DISC1: variants seen among roughly 807,000 people sequenced by gnomAD.
The protein encoded by DISC1 is disrupted in schizophrenia 1 protein.
Under a neutral mutation model 84.5 loss-of-function variants are expected in DISC1, and 57 were observed. The ratio of observed to expected loss-of-function variants is 0.67; its 90% CI spans 0.55 to 0.84. The LOEUF (loss-of-function observed/expected upper bound fraction) is 0.84, where lower values mean the gene tolerates loss of function less well. Among genes scored for constraint, DISC1 ranks in the 40% least tolerant of loss-of-function variants. DISC1 has a pLI of 0.00. For missense variants in DISC1, 1,000 were observed against 1,057.8 expected (o/e 0.95, Z 0.76); for synonymous variants, 411 against 415.2 (o/e 0.99, Z 0.12).
intron 10 of DISC1, among the ~76,000 whole-genome samples, chr1:231,984,856 G>A (rs976550486): frequency 2.6e-5 from 4 of 152,224 alleles, no homozygotes; most frequent in Non-Finnish European, 5.9e-5. Flanking sequence ...CAAGTAAGGG[G>A]TTGGCAAGGA....
Position 232,026,303 on chromosome 1 carries a change from G to GGGA in DISC1, c.2308-130_2308-128dup, listed in dbSNP as rs1669460121. ...ACAACTTCTCAAGTTTGATACCCAG[G>GGGA]GGAGACACAGGCCCTAGCACAATTC... On this transcript the variant is annotated intron_variant, in intron 11 of 12. Coordinates refer to ENST00000439617, the MANE Select transcript of DISC1 (RefSeq NM_018662.3). The GGGA allele has an allele frequency of 9.5e-6, 6 of 629,632 alleles. No individual in the cohort carries two copies. The South Asian group carries it at 1.2e-4, about 13-fold the overall frequency. 39.0% of individuals were successfully genotyped at this position (629,632 alleles called of 1,614,324 possible). A position where few individuals can be genotyped will look rare whatever the true frequency, so the allele number is the denominator to read the frequency against.
At chr1:231,692,593 G>A (rs796976662) in intron 1 of DISC1, among the ~76,000 whole-genome samples, 4 of 149,818 alleles carry the variant, frequency 2.7e-5, no homozygotes, top group African/African-American at 1.0e-4. Flanking sequence ...AAAGCAGGAT[G>A]TGTGGGCCTG....
intron 1 of DISC1, among the ~76,000 whole-genome samples, chr1:231,639,271 G>A (rs823161): frequency 0.38 from 57,858 of 151,934 alleles, 11,655 homozygotes; most frequent in East Asian, 0.81. Flanking sequence ...TACACATTTC[G>A]TGAGAGAAAA....
chr1:231,644,342 C>T (rs1430235081), intron 1 of DISC1, among the ~76,000 whole-genome samples: 1 of 151,946 alleles, frequency 6.6e-6, no homozygotes, highest in Admixed American at 6.6e-5. Flanking sequence ...CACTTACCTT[C>T]CTGTGCTTTG....
rs570320733 is a variant in DISC1, at chr1:231,908,350, G to T, written c.1982-50478G>T. Among the ~76,000 whole-genome samples, 919 of 152,266 alleles carry T rather than the reference G, an allele frequency of 6.0e-3. 10 individuals carry two copies. Among genetic ancestry groups the T allele is most frequent in the African/African-American group, 0.021 (879 of 41,546 alleles). On this transcript the variant is annotated intron_variant, in intron 9 of 12. Coordinates refer to ENST00000439617, the MANE Select transcript of DISC1 (RefSeq NM_018662.3). ...TTTAATTCATCTTGAATTAATTTTT[G>T]TATAAGGTGTAAGGAAAGGATCCAG...
intron 10 of DISC1, among the ~76,000 whole-genome samples, chr1:231,977,636 GAT>G (rs1166482764): frequency 6.6e-6 from 1 of 152,168 alleles, no homozygotes; most frequent in African/African-American, 2.4e-5. Context: ...TGGCATGTAA[GAT>G]AAAATTCATA....
chr1:231,914,129 T>A (rs1355252494), intron 9 of DISC1, among the ~76,000 whole-genome samples: 1 of 152,208 alleles, frequency 6.6e-6, no homozygotes, highest in African/African-American at 2.4e-5. Context: ...CCTAGCACAG[T>A]TTGCCGCCTT....
At chr1:231,767,046 G>A in intron 4 of DISC1, 94 bp from the exon 5 acceptor site, 1 of 1,541,424 alleles carries the variant, frequency 6.5e-7, no homozygotes, top group African/African-American at 1.4e-5. Context: ...ACAGATGGGG[G>A]CCACTTGCTG....
rs79700369 is a variant in DISC1, at chr1:231,980,206, C to T, written c.2042+21318C>T. 5.9e-5 allele frequency among the ~76,000 whole-genome samples: 9 copies of T among 152,148 alleles called. No individual in the cohort carries two copies. The East Asian group carries it at 9.6e-4, about 16-fold the overall frequency. The stretch of plus-strand genomic sequence containing the variant: ...TTTAGCCATAGATATTCATAATCCC[C>T]GGTTAGGCAAAAGGTGTGGGACTAA... On this transcript the variant is annotated intron_variant, in intron 10 of 12. Coordinates refer to ENST00000439617, the MANE Select transcript of DISC1 (RefSeq NM_018662.3).
intron 9 of DISC1, among the ~76,000 whole-genome samples, chr1:231,876,009 T>G (rs2085863190): frequency 6.6e-6 from 1 of 152,172 alleles, no homozygotes; most frequent in African/African-American, 2.4e-5. Context: ...CTGATAAATG[T>G]GGGCTGAAAA....
At chr1:231,705,167 A>C (rs187377930) in intron 3 of DISC1, among the ~76,000 whole-genome samples, 12 of 151,594 alleles carry the variant, frequency 7.9e-5, no homozygotes, top group African/African-American at 2.9e-4. Context: ...AGGCACCTGT[A>C]ATCCCAGCTA....
chr1:231,971,585 G>A (rs1661963307), intron 10 of DISC1, among the ~76,000 whole-genome samples: 1 of 152,186 alleles, frequency 6.6e-6, no homozygotes, highest in South Asian at 2.1e-4. Context: ...TCATACAACA[G>A]CTGTGAGAAC....
At chr1:231,829,021 A>G (rs1170260124) in intron 9 of DISC1, among the ~76,000 whole-genome samples, 1 of 152,120 alleles carries the variant, frequency 6.6e-6, no homozygotes, top group Non-Finnish European at 1.5e-5. Context: ...TAATATTCCA[A>G]TTTATTATTT....
At chr1:231,793,943 TATTTTA>T in intron 6 of DISC1, among the ~76,000 whole-genome samples, 1 of 152,200 alleles carries the variant, frequency 6.6e-6, no homozygotes, top group East Asian at 1.9e-4. Context: ...TAAATAAATT[TATTTTA>T]TTTTATTTTT....
intron 1 of DISC1, among the ~76,000 whole-genome samples, chr1:231,662,841 C>T (rs1312691225): frequency 2.0e-5 from 3 of 151,882 alleles, no homozygotes; most frequent in Non-Finnish European, 2.9e-5. Context: ...CAAAATGTGC[C>T]TCTGTAAAAA....
At chr1:231,687,064 G>A (rs909392998) in intron 1 of DISC1, among the ~76,000 whole-genome samples, 3 of 152,102 alleles carry the variant, frequency 2.0e-5, no homozygotes, top group Non-Finnish European at 4.4e-5. Flanking sequence ...CAGGCTTTTG[G>A]TCAAAGCCAT....
In DISC1 at chr1:232,036,886, G is replaced by C. The variant is rs944154795; in HGVS notation, c.*55G>C. The C allele has an allele frequency of 2.0e-5, 29 of 1,428,700 alleles. No individual in the cohort carries two copies. In the African/African-American group the frequency reaches 4.1e-4, roughly 20 times the overall value. 88.5% of individuals were successfully genotyped at this position (1,428,700 alleles called of 1,614,324 possible). The stretch of plus-strand genomic sequence containing the variant: ...CCACCATGTTTGGACCCGGGGGGCT[G>C]CTCTTCCCTCCCCCGCCATAGCTAA... On this transcript the variant is annotated 3_prime_UTR_variant, in exon 13 of 13. Transcript: ENST00000439617.
At chr1:232,020,414 AACCTTGAGG>A (rs1321661839) in intron 11 of DISC1, among the ~76,000 whole-genome samples, 1 of 152,208 alleles carries the variant, frequency 6.6e-6, no homozygotes, top group African/African-American at 2.4e-5. Context: ...GAAGGAATTG[AACCTTGAGG>A]ATGGTTCCTA....
intron 9 of DISC1, among the ~76,000 whole-genome samples, chr1:231,949,032 G>A (rs1305889723): frequency 6.6e-6 from 1 of 151,962 alleles, no homozygotes; most frequent in East Asian, 1.9e-4. Flanking sequence ...ACCACGCCCA[G>A]CTAATTTTTG....
Sources: allele counts gnomAD v4.1 joint callset (sites outside exome capture counted in the v4.1 genomes callset), GRCh38; gene constraint gnomAD v4.1.1; transcripts MANE v1.5; gene names NCBI Gene and HGNC (gene_info 2026-07-23, HGNC 2026-07-21).